ASMT: variants seen among roughly 807,000 people sequenced by gnomAD.
The protein encoded by ASMT is acetylserotonin N-methyltransferase.
In ASMT, 53 loss-of-function variants were observed where a neutral mutation model predicts 41.3. The observed-to-expected ratio is 1.28, with a 90% confidence interval of 1.03 to 1.61. The LOEUF is 1.61. Among genes scored for constraint, ASMT ranks in the 40% most tolerant of loss-of-function variants. ASMT has a pLI of 0.00. For missense variants in ASMT, 531 were observed against 441.3 expected (o/e 1.20, Z -1.82); for synonymous variants, 231 against 184.8 (o/e 1.25, Z -2.03).
In ASMT at chrX:1,641,838, G is replaced by C. The variant is rs192759440; in HGVS notation, c.911-965G>C. ...CCATCTTGATGGTTCATGAGGACTT[G>C]GGCATGGCCTCTATGTGTGTGATGG... On this transcript the variant is annotated intron_variant, in intron 8 of 8. Coordinates refer to ENST00000381241, the MANE Select transcript of ASMT (RefSeq NM_001171038.2). Among the ~76,000 whole-genome samples, 48 of 148,244 alleles carry C rather than the reference G, an allele frequency of 3.2e-4. 3 individuals carry two copies. The East Asian group carries it at 6.7e-3, about 21-fold the overall frequency.
At position 1,636,482 on chromosome X, in the gene ASMT, C is replaced by T. The variant is rs778252161; in HGVS notation, c.832C>T (p.Leu278=). ...DPLPEADLYI[L]ARVLHDWADG... The stretch of plus-strand genomic sequence containing the variant: ...TCTTCCGGAAGCTGATCTGTACATC[C>T]TGGCCAGGGTCCTCCATGACTGGGC... The change falls in exon 8 of 9, where the codon CTG becomes TTG. Residue 278 remains leucine (L), a synonymous_variant. Transcript: ENST00000381241. The T allele has an allele frequency of 7.4e-6, 12 of 1,613,890 alleles. No homozygotes were observed. Among genetic ancestry groups the T allele is most frequent in the Non-Finnish European group, 1.0e-5 (12 of 1,179,856 alleles).
At chrX:1,634,333 T>C (rs34523689) in intron 7 of ASMT, among the ~76,000 whole-genome samples, 9,731 of 152,122 alleles carry the variant, frequency 0.064, 408 homozygotes, top group Non-Finnish European at 0.081. Flanking sequence ...AACAACAAGG[T>C]TTGACAACAC....
At position 1,615,221 on chromosome X, in the gene ASMT, G is replaced by A. The variant is rs1387783589; in HGVS notation, c.22G>A (p.Ala8Thr). 8.1e-6 allele frequency: 13 copies of A among 1,597,920 alleles called. No homozygotes were observed. The highest frequency in any genetic ancestry group is 1.1e-5 in the Non-Finnish European group (13 of 1,172,534). ...CAAGATGGGATCCTCAGAGGACCAGGCCTATCGCCTCCTTAATGACTACGC... is the reference window on the plus strand; with the variant it reads ...CAAGATGGGATCCTCAGAGGACCAGACCTATCGCCTCCTTAATGACTACGC... MGSSEDQAYRLLNDYANG... is the reference protein window; with the variant it reads MGSSEDQTYRLLNDYANG... The change falls in exon 1 of 9, where the codon GCC (alanine) becomes ACC (threonine). Residue 8 changes from alanine to threonine, a missense_variant. By Grantham distance (58) the Ala-to-Thr change is moderately conservative. Coordinates refer to ENST00000381241, the MANE Select transcript of ASMT (RefSeq NM_001171038.2).
chrX:1,616,854 A>G (rs28831989), intron 1 of ASMT, among the ~76,000 whole-genome samples: 6,205 of 150,866 alleles, frequency 0.041, 373 homozygotes, highest in African/African-American at 0.13. Flanking sequence ...GATTACAGGC[A>G]CCCGCCACCA....
At position 1,625,750 on chromosome X, in the gene ASMT, C is replaced by T. The variant is rs1355640402; in HGVS notation, c.374+1352C>T. Among the ~76,000 whole-genome samples the T allele has an allele frequency of 6.7e-4, 101 of 151,214 alleles. 1 individual carries two copies. The highest frequency in any genetic ancestry group is 5.0e-3 in the Admixed American group (75 of 15,144). On this transcript the variant is annotated intron_variant, in intron 3 of 8. Coordinates refer to ENST00000381241, the MANE Select transcript of ASMT (RefSeq NM_001171038.2). ...CGGGCGGATCACGAGGTCAGGAGAT[C>T]GAGACCATCCTGGCTAACACGGTGA... is the stretch of plus-strand genomic sequence containing the variant.
intron 3 of ASMT, among the ~76,000 whole-genome samples, chrX:1,627,007 C>T (rs748014223): frequency 1.2e-4 from 17 of 146,782 alleles, no homozygotes; most frequent in African/African-American, 4.3e-4. Context: ...CCAGCCTGGG[C>T]GACACAGCGA....
intron 1 of ASMT, among the ~76,000 whole-genome samples, chrX:1,620,752 G>A (rs77196708): frequency 6.6e-6 from 1 of 151,968 alleles, no homozygotes; most frequent in South Asian, 2.1e-4. Flanking sequence ...AGCCTGGCAT[G>A]GTGGCGGGCA....
Position 1,642,883 on chromosome X carries a change from A to C in ASMT, c.991A>C (p.Met331Leu), listed in dbSNP as rs1158492645. The C allele has an allele frequency of 6.2e-7, 1 of 1,613,818 alleles. No individual in the cohort carries two copies. Among genetic ancestry groups the C allele is most frequent in the Non-Finnish European group, 8.5e-7 (1 of 1,179,870 alleles). The change falls in exon 9 of 9, where the codon ATG becomes CTG. Residue 331 changes from methionine (M) to leucine (L), a missense_variant. Met to Leu is a conservative substitution (Grantham distance 15). Coordinates refer to ENST00000381241, the MANE Select transcript of ASMT (RefSeq NM_001171038.2). ...PLLTQLYSLN[M>L]LVQTEGQERT... is the part of the protein sequence containing the mutation. ...GCTCACGCAGCTCTACTCTCTGAAC[A>C]TGCTTGTGCAGACGGAAGGGCAGGA...
At chrX:1,619,010 G>T (rs1390476209) in intron 1 of ASMT, among the ~76,000 whole-genome samples, 1 of 152,208 alleles carries the variant, frequency 6.6e-6, no homozygotes, top group African/African-American at 2.4e-5. Context: ...ACCACCTTAA[G>T]AGGATCAAAC....
At chrX:1,628,060 C>T in intron 4 of ASMT, 1 of 502,454 alleles carries the variant, frequency 2.0e-6, no homozygotes, top group East Asian at 3.7e-5. Flanking sequence ...GTGGCTCACG[C>T]CTGTCATCCC....
intron 1 of ASMT, among the ~76,000 whole-genome samples, chrX:1,615,616 C>A (rs1203712967): frequency 7.9e-5 from 12 of 151,868 alleles, no homozygotes; most frequent in African/African-American, 2.2e-4. Context: ...CAGCCTGACC[C>A]ACACAGAGAA....
intron 1 of ASMT, among the ~76,000 whole-genome samples, chrX:1,615,539 A>T (rs763801511): frequency 6.6e-6 from 1 of 152,188 alleles, no homozygotes; most frequent in African/African-American, 2.4e-5. Context: ...GTGGTGGCTC[A>T]CACCTGTGAT....
intron 5 of ASMT, among the ~76,000 whole-genome samples, chrX:1,630,871 T>TTTCA (rs1556119928): frequency 1.0e-4 from 14 of 139,950 alleles, no homozygotes; most frequent in Non-Finnish European, 2.0e-4. Flanking sequence ...GCTGAGCTTG[T>TTTCA]TTTATTTATT....
chrX:1,622,136 T>C (rs1354027226), intron 1 of ASMT, among the ~76,000 whole-genome samples: 5 of 149,824 alleles, frequency 3.3e-5, no homozygotes, highest in Non-Finnish European at 7.4e-5. Context: ...GGGATACAGG[T>C]GCGCACCACC....
At chrX:1,627,623 C>CGAAATGAAACGAAATGAAAT in intron 3 of ASMT, 80 bp from the exon 4 acceptor site, 1 of 1,126,858 alleles carries the variant, frequency 8.9e-7, no homozygotes, top group South Asian at 1.3e-5. Flanking sequence ...TGAAATGAAA[C>CGAAATGAAACGAAATGAAAT]GAAATGAAAC....
At chrX:1,619,906 A>G (rs1469610933) in intron 1 of ASMT, among the ~76,000 whole-genome samples, 9 of 151,340 alleles carry the variant, frequency 5.9e-5, no homozygotes, top group Non-Finnish European at 7.4e-5. Context: ...CCTGGCTAAC[A>G]CGGTGAAACC....
intron 2 of ASMT, among the ~76,000 whole-genome samples, chrX:1,623,787 T>G (rs1329292161): frequency 6.6e-6 from 1 of 152,042 alleles, no homozygotes; most frequent in East Asian, 1.9e-4. Context: ...GGTCTCGAGC[T>G]CCTGACCTCA....
At chrX:1,641,617 GA>G (rs1935172139) in intron 8 of ASMT, among the ~76,000 whole-genome samples, 1 of 149,608 alleles carries the variant, frequency 6.7e-6, no homozygotes, top group Non-Finnish European at 1.5e-5. Context: ...GTGTGATGGG[GA>G]CAGTGTCCCA....
intron 5 of ASMT, among the ~76,000 whole-genome samples, chrX:1,631,484 C>G (rs1483295593): frequency 6.6e-6 from 1 of 152,122 alleles, no homozygotes; most frequent in Non-Finnish European, 1.5e-5. Flanking sequence ...CAGTGGATCA[C>G]TCAGAACAGC....
Sources: gnomAD v4.1 joint callset for allele counts (sites outside exome capture counted in the v4.1 genomes callset) on GRCh38, gnomAD v4.1.1 for gene constraint, MANE v1.5 for transcripts, NCBI Gene and HGNC (gene_info 2026-07-23, HGNC 2026-07-21) for gene names.